Variants in TMEM201 observed in about 807,000 individuals in gnomAD.
The protein encoded by TMEM201 is RP13-15M17.2.
A neutral mutation model predicts 63.4 loss-of-function variants in TMEM201; 26 were observed. The ratio of observed to expected loss-of-function variants is 0.41; its 90% CI spans 0.30 to 0.57. The LOEUF (loss-of-function observed/expected upper bound fraction) is 0.57. TMEM201 is among the 20% of genes least tolerant of loss of function. The probability of loss-of-function intolerance (pLI) is 0.29; values close to 1 mark genes in which losing one functional copy is unlikely to be tolerated. For synonymous variants in TMEM201, 417 were observed against 421.6 expected, an observed-to-expected ratio of 0.99 and a Z score of 0.14; for missense variants, 794 against 917.7, an observed-to-expected ratio of 0.87 and a Z score of 1.74.
At position 9,596,055 on chromosome 1, in the gene TMEM201, G is replaced by A. The variant is rs199658676; in HGVS notation, c.234+45G>A. On this transcript the variant is annotated intron_variant, in intron 2 of 10. Coordinates refer to ENST00000340381, the MANE Select transcript of TMEM201 (RefSeq NM_001130924.3). ...GGACGGGTGGGCACGCGGGGGTGGG[G>A]ATCTTGAGATTTGCACCTTGAGACC... The A allele has an allele frequency of 2.0e-5, 32 of 1,597,380 alleles. No homozygotes were observed. The East Asian group carries it at 7.0e-4, about 35-fold the overall frequency.
At position 9,605,250 on chromosome 1, in the gene TMEM201, G is replaced by A. The variant is rs1644221467; in HGVS notation, c.1161-2307G>A. Among the ~76,000 whole-genome samples, 1 of 152,202 alleles carries A rather than the reference G, an allele frequency of 6.6e-6. No individual in the cohort carries two copies. The highest frequency in any genetic ancestry group is 2.4e-5 in the African/African-American group (1 of 41,444). On this transcript the variant is annotated intron_variant, in intron 6 of 10. Transcript: ENST00000340381. The surrounding 1 kb of genome is among the most constrained non-coding windows in gnomAD (Gnocchi z 5.7). ...GACATCTCCCCTTGGTGTCAGATGA[G>A]CGTATCCGCTCCGGCACTCCCCAGA...
chr1:9,611,109 G>A, intron 9 of TMEM201: 3 of 1,423,280 alleles, frequency 2.1e-6, no homozygotes, highest in Non-Finnish European at 2.8e-6. Flanking sequence ...CTCAAATGGT[G>A]CTGTACTGCA....
At position 9,603,787 on chromosome 1, in the gene TMEM201, G is replaced by A; in HGVS notation, c.1160+1515G>A. The A allele has an allele frequency of 1.0e-6, 1 of 985,494 alleles. No individual in the cohort carries two copies. The highest frequency in any genetic ancestry group is 1.2e-6 in the Non-Finnish European group (1 of 829,960). 61.0% of individuals were successfully genotyped at this position (985,494 alleles called of 1,614,324 possible). ...AGCTTCACAAGTGAGGAACCCAGGTGCATCGGGAGACCCTCGGGGGCTTCT... is the reference window on the plus strand; with the variant it reads ...AGCTTCACAAGTGAGGAACCCAGGTACATCGGGAGACCCTCGGGGGCTTCT... On this transcript the variant is annotated intron_variant, in intron 6 of 10. Coordinates refer to ENST00000340381, the MANE Select transcript of TMEM201 (RefSeq NM_001130924.3). The surrounding 1 kb of genome is among the most constrained non-coding windows in gnomAD (Gnocchi z 4.5).
chr1:9,597,198 A>C, intron 3 of TMEM201, 145 bp downstream of exon 3: 1 of 965,654 alleles, frequency 1.0e-6, no homozygotes, highest in Non-Finnish European at 1.5e-6. Flanking sequence ...GAGTGCCCAA[A>C]GGGGCCCCCT....
In TMEM201 at chr1:9,601,324, G is replaced by T; in HGVS notation, c.826G>T (p.Gly276Cys). 1 of 1,609,216 alleles carries T rather than the reference G, an allele frequency of 6.2e-7. No homozygotes were observed. Among genetic ancestry groups the T allele is most frequent in the Non-Finnish European group, 8.5e-7 (1 of 1,179,882 alleles). Residue 276 changes from glycine (G) to cysteine (C), a missense_variant, in exon 5 of 11, where the codon GGC becomes TGC. By Grantham distance (159) the Gly-to-Cys change is radical. Transcript: ENST00000340381. ...PGAEGWRQLL[G>C]LLPEHMAEKL... ...GGCCGAGGGCTGGCGGCAGTTGCTG[G>T]GCCTACTCCCCGAGCACATGGCGGA...
chr1:9,612,047 G>A (rs1644331839), intron 10 of TMEM201, among the ~76,000 whole-genome samples, 157 bp downstream of exon 10: 1 of 152,190 alleles, frequency 6.6e-6, no homozygotes, highest in Non-Finnish European at 1.5e-5. Flanking sequence ...CTGAATCCAG[G>A]GTCAGGGACT....
intron 7 of TMEM201, 108 bp from the exon 8 acceptor site, chr1:9,609,732 A>G: frequency 9.1e-7 from 1 of 1,095,478 alleles, no homozygotes; most frequent in Non-Finnish European, 1.3e-6. Flanking sequence ...CCATGAAAGC[A>G]CATTTGTAAA....
At chr1:9,598,924 C>T (rs1301547157) in intron 4 of TMEM201, among the ~76,000 whole-genome samples, 1 of 151,930 alleles carries the variant, frequency 6.6e-6, no homozygotes, top group African/African-American at 2.4e-5. Flanking sequence ...TCTGGGATTA[C>T]AGATGTGAGC....
chr1:9,604,980 CTTTT>C lies in TMEM201; in HGVS notation c.1161-2574_1161-2571del. The C allele has an allele frequency of 1.0e-6, 1 of 985,858 alleles. No individual in the cohort carries two copies. The highest frequency in any genetic ancestry group is 1.2e-6 in the Non-Finnish European group (1 of 829,968). The allele number at this position is 985,858 out of a possible 1,614,324, so 61.1% of individuals were successfully genotyped here. Reference sequence around the variant, plus strand: ...TGGCGTCAGGTGCCGCGTCTTTCTTCTTTTTTCTTTCTTTCAGAAGGGCTCTGTG... The same window carrying C: ...TGGCGTCAGGTGCCGCGTCTTTCTTCTTCTTTCTTTCAGAAGGGCTCTGTG... On this transcript the variant is annotated intron_variant, in intron 6 of 10. Transcript: ENST00000340381. This position sits in a 1 kb window ranked among gnomAD's most constrained non-coding sequence, Gnocchi z 4.1.
chr1:9,601,519 G>A, intron 5 of TMEM201, 65 bp downstream of exon 5: 1 of 1,465,890 alleles, frequency 6.8e-7, no homozygotes, highest in Middle Eastern at 2.4e-4. Context: ...ACTGTCTAGG[G>A]CGGGGGCCAA....
intron 4 of TMEM201, 103 bp downstream of exon 4, chr1:9,598,728 C>A: frequency 8.9e-7 from 1 of 1,125,928 alleles, no homozygotes; most frequent in Non-Finnish European, 1.2e-6. Context: ...CTCTTCAGAG[C>A]TGAGCCCCTT....
At chr1:9,596,558 A>C (rs1204325428) in intron 2 of TMEM201, among the ~76,000 whole-genome samples, 1 of 152,148 alleles carries the variant, frequency 6.6e-6, no homozygotes, top group Non-Finnish European at 1.5e-5. Context: ...TTGCAGACTG[A>C]GTTCCGAGAG....
chr1:9,597,075 AG>A, intron 3 of TMEM201, 22 bp downstream of exon 3: 1 of 1,588,170 alleles, frequency 6.3e-7, no homozygotes, highest in Non-Finnish European at 8.6e-7. Context: ...TTGGGAGGGC[AG>A]GGGTCCTGGC....
chr1:9,609,584 C>T (rs1644292792), intron 7 of TMEM201, among the ~76,000 whole-genome samples: 1 of 152,178 alleles, frequency 6.6e-6, no homozygotes, highest in South Asian at 2.1e-4. Context: ...ATCTGCCTAC[C>T]TCAGCCTCCC....
rs759473821 is a variant in TMEM201, at chr1:9,601,190, C to T, written c.692C>T (p.Thr231Ile). The change falls in exon 5 of 11, where the codon ACC (threonine) becomes ATC (isoleucine). Residue 231 changes from threonine (T) to isoleucine (I), a missense_variant. Coordinates refer to ENST00000340381, the MANE Select transcript of TMEM201 (RefSeq NM_001130924.3). Reference sequence around the variant, plus strand: ...CTGGCCTGCGCCTTCCTACTGACCACCGCGCTGTATGGGGCCAGCGGACAC... The same window carrying T: ...CTGGCCTGCGCCTTCCTACTGACCATCGCGCTGTATGGGGCCAGCGGACAC... ...AFLACAFLLTTALYGASGHFA... is the reference protein window; with the variant it reads ...AFLACAFLLTIALYGASGHFA... 9.3e-6 allele frequency: 15 copies of T among 1,612,934 alleles called. No individual in the cohort carries two copies. Among genetic ancestry groups the T allele is most frequent in the Non-Finnish European group, 1.3e-5 (15 of 1,179,758 alleles).
At position 9,604,069 on chromosome 1, in the gene TMEM201, T is replaced by A; in HGVS notation, c.1160+1797T>A. The A allele has an allele frequency of 1.0e-6, 1 of 985,432 alleles. No individual in the cohort carries two copies. 61.0% of individuals were successfully genotyped at this position (985,432 alleles called of 1,614,324 possible). ...CCCCCCAGCCCACAAAGAGCCCATC[T>A]GAGAGAAGGACGTGGTGGAGCCAGG... On this transcript the variant is annotated intron_variant, in intron 6 of 10. Coordinates refer to ENST00000340381, the MANE Select transcript of TMEM201 (RefSeq NM_001130924.3). This position sits in a 1 kb window ranked among gnomAD's most constrained non-coding sequence, Gnocchi z 4.1.
At chr1:9,589,475 C>T (rs1454248348) in intron 1 of TMEM201, among the ~76,000 whole-genome samples, 1 of 152,252 alleles carries the variant, frequency 6.6e-6, no homozygotes, top group Non-Finnish European at 1.5e-5. Flanking sequence ...GAGCCACAGC[C>T]CCTGCTTACG....
At chr1:9,596,207 G>A (rs1375838390) in intron 2 of TMEM201, among the ~76,000 whole-genome samples, 197 bp downstream of exon 2, 1 of 152,222 alleles carries the variant, frequency 6.6e-6, no homozygotes, top group Non-Finnish European at 1.5e-5. Context: ...CCCTGGCGCT[G>A]TCTCCTCACT....
At position 9,603,461 on chromosome 1, in the gene TMEM201, C is replaced by T. The variant is rs1442343090; in HGVS notation, c.1160+1189C>T. 1.2e-5 allele frequency: 12 copies of T among 985,438 alleles called. No homozygotes were observed. The South Asian group carries it at 1.9e-4, about 15-fold the overall frequency. The allele number at this position is 985,438 out of a possible 1,614,324, so 61.0% of individuals were successfully genotyped here. ...AGAGTGGCCCGAGGCCGTCCCTCAC[C>T]GGGCATGTTCCCTCTGGCTGCCCAC... On this transcript the variant is annotated intron_variant, in intron 6 of 10. Transcript: ENST00000340381. This position sits in a 1 kb window ranked among gnomAD's most constrained non-coding sequence, Gnocchi z 4.5.
Sources: gnomAD v4.1 joint callset for allele counts (sites outside exome capture counted in the v4.1 genomes callset) on GRCh38, gnomAD v4.1.1 for gene constraint, Gnocchi (gnomAD v3.1) non-coding constraint, MANE v1.5 for transcripts, NCBI Gene and HGNC (gene_info 2026-07-23, HGNC 2026-07-21) for gene names.